CAMSAP1: variants seen among roughly 807,000 people sequenced by gnomAD.
CAMSAP1 encodes calmodulin-regulated spectrin-associated protein 1.
A neutral mutation model predicts 143.5 loss-of-function variants in CAMSAP1; 58 were observed. The ratio of observed to expected loss-of-function variants is 0.40; its 90% CI spans 0.33 to 0.50. The LOEUF (loss-of-function observed/expected upper bound fraction) is 0.50, where lower values mean the gene tolerates loss of function less well. Ranked by LOEUF, CAMSAP1 falls within the 20% of genes least tolerant of loss-of-function variation. The probability of loss-of-function intolerance (pLI) is 0.45; values close to 1 mark genes in which losing one functional copy is unlikely to be tolerated. For missense variants in CAMSAP1, 1,969 were observed against 2,115.7 expected, an observed-to-expected ratio of 0.93 and a Z score of 1.36; for synonymous variants, 945 against 859.3, an observed-to-expected ratio of 1.10 and a Z score of -1.74.
chr9:135,818,217 G>T lies in CAMSAP1; in HGVS notation c.4169-138C>A. ...CGTCCCCACCCCATCCCGGGGAGCC[G>T]GGCTGCGCCTGGATGTGCCGCACAT... On this transcript the variant is annotated intron_variant, in intron 13 of 16. Coordinates refer to ENST00000389532, the MANE Select transcript of CAMSAP1 (RefSeq NM_015447.4). The surrounding 1 kb of genome is among the most constrained non-coding windows in gnomAD (Gnocchi z 7.7). The T allele has an allele frequency of 8.7e-7, 1 of 1,145,150 alleles. No homozygotes were observed. The allele number at this position is 1,145,150 out of a possible 1,614,324, so 70.9% of individuals were successfully genotyped here.
chr9:135,879,874 A>G (rs1383219636), intron 3 of CAMSAP1, among the ~76,000 whole-genome samples: 1 of 151,656 alleles, frequency 6.6e-6, no homozygotes, highest in Non-Finnish European at 1.5e-5. Context: ...CTGGCCAATG[A>G]GCAGAAACTC....
At chr9:135,834,316 G>A (rs1290754428) in intron 7 of CAMSAP1, among the ~76,000 whole-genome samples, 2 of 152,168 alleles carry the variant, frequency 1.3e-5, no homozygotes, top group African/African-American at 4.8e-5. Context: ...TATATCCAAA[G>A]GAAATGAAAT....
rs887131037 is a variant in CAMSAP1, at chr9:135,882,861, G to A, written c.378C>T (p.Asp126=). 11 of 1,551,378 alleles carry A rather than the reference G, an allele frequency of 7.1e-6. No homozygotes were observed. The highest frequency in any genetic ancestry group is 6.8e-5 in the African/African-American group (5 of 73,030). Residue 126 remains aspartate (D), a synonymous_variant, in exon 2 of 17, where the codon GAC becomes GAT. Coordinates refer to ENST00000389532, the MANE Select transcript of CAMSAP1 (RefSeq NM_015447.4). This position sits in a 1 kb window ranked among gnomAD's most constrained non-coding sequence, Gnocchi z 4.9. ...RKGIYVMESD[D]TPVTESDLSR... is the part of the protein sequence containing the mutation. ...TGAGGTCGGACTCTGTCACGGGGGT[G>A]TCATCACTCTCCATCACATAGATCC... is the stretch of plus-strand genomic sequence containing the variant.
chr9:135,838,368 T>C (rs111633932), intron 7 of CAMSAP1, among the ~76,000 whole-genome samples: 4,242 of 32,832 alleles, frequency 0.13, 61 homozygotes, highest in Middle Eastern at 0.22. Context: ...TACAGACACA[T>C]GTCATCACGC....
chr9:135,820,916 C>A lies in CAMSAP1; in HGVS notation c.3745G>T (p.Glu1249Ter). Residue 1249 changes from glutamate to a stop codon, truncating the protein, a stop_gained, in exon 11 of 17, where the codon GAG becomes TAG. Transcript: ENST00000389532. LOFTEE classifies it high-confidence loss of function. The surrounding 1 kb of genome is among the most constrained non-coding windows in gnomAD (Gnocchi z 4.4). ...GCCGAGCCATCGAGGCTTACCAGCTCCCCATCCTCGTCGGGGGCCTTCAGG... is the reference window on the plus strand; with the variant it reads ...GCCGAGCCATCGAGGCTTACCAGCTACCCATCCTCGTCGGGGGCCTTCAGG... ...SDLKAPDEDG[E>*]LVSLDGSADL... 6.2e-7 allele frequency: 1 copy of A among 1,613,806 alleles called. No individual in the cohort carries two copies. The highest frequency in any genetic ancestry group is 8.5e-7 in the Non-Finnish European group (1 of 1,179,864).
At chr9:135,896,052 T>C (rs1838440094) in intron 1 of CAMSAP1, among the ~76,000 whole-genome samples, 1 of 152,194 alleles carries the variant, frequency 6.6e-6, no homozygotes, top group South Asian at 2.1e-4. Context: ...ATAGTAATTG[T>C]TAACAATATA....
intron 1 of CAMSAP1, 56 bp downstream of exon 1, chr9:135,906,931 ACCCCGGCCGCGTC>A: frequency 2.3e-6 from 2 of 861,548 alleles, no homozygotes; most frequent in Non-Finnish European, 2.8e-6. Context: ...ACCCGGCCGG[ACCCCGGCCGCGTC>A]CCCCGGCCCC....
chr9:135,865,404 T>C (rs1483082157), intron 4 of CAMSAP1: 1 of 1,547,778 alleles, frequency 6.5e-7, no homozygotes, highest in Non-Finnish European at 8.7e-7. Flanking sequence ...GAGAGGAGCA[T>C]CAGCAGAGCA....
At chr9:135,815,842 C>T (rs776989736) in intron 15 of CAMSAP1, 48 bp downstream of exon 15, 6 of 1,461,818 alleles carry the variant, frequency 4.1e-6, no homozygotes, top group Non-Finnish European at 4.8e-6. Context: ...CACGCAAAGG[C>T]GTATGGCCAT....
chr9:135,901,687 C>A (rs1388889396), intron 1 of CAMSAP1, among the ~76,000 whole-genome samples: 1 of 152,150 alleles, frequency 6.6e-6, no homozygotes, highest in African/African-American at 2.4e-5. Flanking sequence ...AGGTAGAACA[C>A]CTGTCTATGG....
chr9:135,814,584 G>A (rs578030882), intron 16 of CAMSAP1, among the ~76,000 whole-genome samples: 89 of 152,254 alleles, frequency 5.8e-4, no homozygotes, highest in Admixed American at 1.6e-3. Context: ...GAGTCCACAC[G>A]CTCAGCGGGT....
At chr9:135,816,120 C>T (rs1588438567) in intron 14 of CAMSAP1, 115 bp from the exon 15 acceptor site, 1 of 870,060 alleles carries the variant, frequency 1.1e-6, no homozygotes. Flanking sequence ...GGGGAGGAGG[C>T]TTTCGGTGAC....
intron 5 of CAMSAP1, among the ~76,000 whole-genome samples, chr9:135,853,437 A>T (rs1836847029): frequency 6.6e-6 from 1 of 152,198 alleles, no homozygotes; most frequent in African/African-American, 2.4e-5. Flanking sequence ...GAAATAACAC[A>T]ATCCAAGAGA....
intron 1 of CAMSAP1, among the ~76,000 whole-genome samples, chr9:135,898,053 C>T (rs2131021886): frequency 2.0e-5 from 3 of 152,226 alleles, no homozygotes; most frequent in Middle Eastern, 3.4e-3. Flanking sequence ...TAGAGTCTTA[C>T]ATCAGAAAAG....
chr9:135,850,379 A>C lies in CAMSAP1; in HGVS notation c.891T>G (p.Leu297=), dbSNP rs181345039. The change falls in exon 6 of 17, where the codon CTT becomes CTG. Residue 297 remains leucine (L), a synonymous_variant. Coordinates refer to ENST00000389532, the MANE Select transcript of CAMSAP1 (RefSeq NM_015447.4). ...RLLREFSNEY[L]NKCFYLTLED... The stretch of plus-strand genomic sequence containing the variant: ...CCAAGGTGAGATAAAAACATTTATT[A>C]AGATATTCATTGGAGAATTCTCTCA... 8 of 1,611,450 alleles carry C rather than the reference A, an allele frequency of 5.0e-6. No individual in the cohort carries two copies. Among genetic ancestry groups the C allele is most frequent in the Non-Finnish European group, 6.8e-6 (8 of 1,179,182 alleles).
intron 3 of CAMSAP1, among the ~76,000 whole-genome samples, chr9:135,866,936 G>A (rs1837398564): frequency 6.6e-6 from 1 of 152,166 alleles, no homozygotes; most frequent in Non-Finnish European, 1.5e-5. Context: ...CTTGTGACAG[G>A]ATGGGTCACA....
Position 135,818,392 on chromosome 9 carries a change from G to C in CAMSAP1, c.4168+16C>G, listed in dbSNP as rs1835319931. On this transcript the variant is annotated intron_variant, in intron 13 of 16. Coordinates refer to ENST00000389532, the MANE Select transcript of CAMSAP1 (RefSeq NM_015447.4). This position sits in a 1 kb window ranked among gnomAD's most constrained non-coding sequence, Gnocchi z 7.7. ...CGGAAGGAAGCGCTGCCCGCGTGAG[G>C]GCCGGGGCTGCTTACGGGTGGAGGA... is the stretch of plus-strand genomic sequence containing the variant. The C allele has an allele frequency of 6.4e-7, 1 of 1,557,366 alleles. No individual in the cohort carries two copies. Among genetic ancestry groups the C allele is most frequent in the South Asian group, 1.2e-5 (1 of 85,578 alleles).
chr9:135,866,825 C>T (rs369034326), intron 3 of CAMSAP1, among the ~76,000 whole-genome samples: 9 of 152,180 alleles, frequency 5.9e-5, no homozygotes, highest in African/African-American at 7.2e-5. Context: ...GCAGTGGTCA[C>T]TCACCACACA....
chr9:135,822,032 C>T lies in CAMSAP1; in HGVS notation c.2629G>A (p.Glu877Lys). Residue 877 changes from glutamate to lysine, a missense_variant, in exon 11 of 17, where the codon GAG (glutamate) becomes AAG (lysine). Physicochemically the swap from Glu to Lys is moderately conservative, Grantham distance 56 (BLOSUM62 1). Transcript: ENST00000389532. The surrounding 1 kb of genome is among the most constrained non-coding windows in gnomAD (Gnocchi z 6.1). ...GKDPASLLASELVQLHMQLEE... is the reference protein window; with the variant it reads ...GKDPASLLASKLVQLHMQLEE... ...AGCTGCATGTGCAGCTGTACCAGCT[C>T]AGATGCCAGGAGGCTGGCGGGATCC... 6.2e-7 allele frequency: 1 copy of T among 1,612,876 alleles called. No homozygotes were observed. Among genetic ancestry groups the T allele is most frequent in the Non-Finnish European group, 8.5e-7 (1 of 1,179,550 alleles).
Sources: allele counts gnomAD v4.1 joint callset (sites outside exome capture counted in the v4.1 genomes callset), GRCh38; gene constraint gnomAD v4.1.1; non-coding constraint Gnocchi (gnomAD v3.1); transcripts MANE v1.5; gene names NCBI Gene and HGNC (gene_info 2026-07-23, HGNC 2026-07-21).